The following TMTC2 variants were observed in gnomAD, a reference collection of about 807,000 sequenced individuals.
The protein encoded by TMTC2 is transmembrane O-mannosyltransferase targeting cadherins 2.
Under a neutral mutation model 82.4 loss-of-function variants are expected in TMTC2, and 43 were observed. That is an observed-to-expected ratio of 0.52 (90% CI 0.41 to 0.67). The LOEUF (loss-of-function observed/expected upper bound fraction) is 0.67. Among genes scored for constraint, TMTC2 ranks in the 30% least tolerant of loss-of-function variants. The pLI is 0.00. For missense variants in TMTC2, 919 were observed against 1,012.4 expected (o/e 0.91, Z 1.25); for synonymous variants, 408 against 381.9 (o/e 1.07, Z -0.80).
At chr12:83,130,987 G>A (rs1304555047) in intron 11 of TMTC2, among the ~76,000 whole-genome samples, 1 of 152,070 alleles carries the variant, frequency 6.6e-6, no homozygotes, top group Non-Finnish European at 1.5e-5. Flanking sequence ...CATTGCTTTT[G>A]GTTCAGAAAT....
At chr12:82,949,018 A>G (rs1877194003) in intron 4 of TMTC2, among the ~76,000 whole-genome samples, 2 of 152,032 alleles carry the variant, frequency 1.3e-5, no homozygotes, top group South Asian at 2.1e-4. Flanking sequence ...TAATCATTAA[A>G]CCTCCATAAT....
chr12:82,798,881 G>A (rs1372748639), intron 1 of TMTC2, among the ~76,000 whole-genome samples: 1 of 151,012 alleles, frequency 6.6e-6, no homozygotes, highest in East Asian at 1.9e-4. Flanking sequence ...AGAGGTAAAT[G>A]AAAATATACA....
intron 1 of TMTC2, among the ~76,000 whole-genome samples, chr12:82,784,211 G>A (rs1878054997): frequency 6.6e-6 from 1 of 152,092 alleles, no homozygotes; most frequent in African/African-American, 2.4e-5. Flanking sequence ...CCCGAATAAT[G>A]TGACAGAAAT....
chr12:82,999,131 A>G (rs1276768443), intron 8 of TMTC2, among the ~76,000 whole-genome samples: 1 of 152,112 alleles, frequency 6.6e-6, no homozygotes, highest in East Asian at 1.9e-4. Flanking sequence ...CATTTAGGAA[A>G]CCACGTTACA....
intron 7 of TMTC2, among the ~76,000 whole-genome samples, chr12:82,983,685 C>A (rs988377807): frequency 2.0e-4 from 31 of 151,904 alleles, no homozygotes; most frequent in African/African-American, 7.5e-4. Flanking sequence ...GGTTGTACAA[C>A]TTTTTTAAAC....
intron 1 of TMTC2, among the ~76,000 whole-genome samples, chr12:82,693,858 C>T (rs536338052): frequency 5.8e-4 from 88 of 150,716 alleles, no homozygotes; most frequent in African/African-American, 2.1e-3. Flanking sequence ...ACCCCCGCTA[C>T]TCAGGAGGCT....
rs1205717500 is a variant in TMTC2, at chr12:82,687,412, A to T, written c.-175A>T. The T allele has an allele frequency of 1.8e-6, 1 of 566,936 alleles. No individual in the cohort carries two copies. The highest frequency in any genetic ancestry group is 3.1e-6 in the Non-Finnish European group (1 of 327,532). 35.1% of individuals were successfully genotyped at this position (566,936 alleles called of 1,614,324 possible). ...CGCAGGAGCTGCGGAGACGGGCGCGAGGAGGAGGAGAGGAGTCGTGGATTG... is the reference window on the plus strand; with the variant it reads ...CGCAGGAGCTGCGGAGACGGGCGCGTGGAGGAGGAGAGGAGTCGTGGATTG... On this transcript the variant is annotated 5_prime_UTR_variant, in exon 1 of 12. Coordinates refer to ENST00000321196, the MANE Select transcript of TMTC2 (RefSeq NM_152588.3).
At chr12:82,722,318 G>T (rs1874242640) in intron 1 of TMTC2, among the ~76,000 whole-genome samples, 1 of 150,874 alleles carries the variant, frequency 6.6e-6, no homozygotes, top group South Asian at 2.1e-4. Context: ...ACTTTGGGAG[G>T]CCAAGGTGGG....
chr12:83,076,375 T>G (rs571634830), intron 11 of TMTC2, among the ~76,000 whole-genome samples: 1 of 152,360 alleles, frequency 6.6e-6, no homozygotes, highest in African/African-American at 2.4e-5. Flanking sequence ...TTATGTTCTC[T>G]GATTCCAACA....
At chr12:82,909,518 T>G (rs1027852078) in intron 3 of TMTC2, among the ~76,000 whole-genome samples, 2 of 151,910 alleles carry the variant, frequency 1.3e-5, no homozygotes, top group Admixed American at 6.6e-5. Context: ...TTTTTTGTAT[T>G]TTTAGTAGAG....
chr12:82,878,079 A>G (rs1464292244), intron 2 of TMTC2, among the ~76,000 whole-genome samples: 1 of 152,186 alleles, frequency 6.6e-6, no homozygotes, highest in African/African-American at 2.4e-5. Flanking sequence ...CTCTTGGTTC[A>G]TTGTTCTTTT....
intron 11 of TMTC2, among the ~76,000 whole-genome samples, chr12:83,070,572 T>C (rs117312661): frequency 0.072 from 10,995 of 152,194 alleles, 479 homozygotes; most frequent in Middle Eastern, 0.095. Context: ...ATTCTTTTAT[T>C]AGTTCTAGGA....
At chr12:82,711,658 A>G (rs1177172318) in intron 1 of TMTC2, among the ~76,000 whole-genome samples, 1 of 152,176 alleles carries the variant, frequency 6.6e-6, no homozygotes, top group East Asian at 1.9e-4. Flanking sequence ...AAAGAAAAGA[A>G]AAAAAATGAA....
chr12:82,712,886 G>C (rs1177562822), intron 1 of TMTC2, among the ~76,000 whole-genome samples: 1 of 152,142 alleles, frequency 6.6e-6, no homozygotes, highest in Non-Finnish European at 1.5e-5. Context: ...GGGGAGACCA[G>C]GTGGGAATCT....
intron 1 of TMTC2, among the ~76,000 whole-genome samples, chr12:82,732,404 G>A (rs891330225): frequency 1.3e-5 from 2 of 151,790 alleles, no homozygotes; most frequent in Non-Finnish European, 2.9e-5. Flanking sequence ...GTGCAGTGGC[G>A]CGATCTCGGC....
intron 9 of TMTC2, among the ~76,000 whole-genome samples, chr12:83,050,648 T>G (rs2137456413): frequency 6.6e-6 from 1 of 152,300 alleles, no homozygotes; most frequent in Non-Finnish European, 1.5e-5. Flanking sequence ...GCTTTAAATT[T>G]ATTCATCATA....
chr12:83,052,250 A>C (rs1004101184), intron 10 of TMTC2, among the ~76,000 whole-genome samples: 3 of 152,068 alleles, frequency 2.0e-5, no homozygotes, highest in African/African-American at 7.2e-5. Context: ...TTTAGCTTTT[A>C]AGATGATTGT....
chr12:82,865,895 C>G (rs1335398681), intron 2 of TMTC2, among the ~76,000 whole-genome samples: 1 of 152,140 alleles, frequency 6.6e-6, no homozygotes, highest in African/African-American at 2.4e-5. Flanking sequence ...ACAGAACAAC[C>G]TGCTCCTGAA....
intron 2 of TMTC2, among the ~76,000 whole-genome samples, chr12:82,878,246 T>C (rs1872676060): frequency 6.6e-6 from 1 of 152,220 alleles, no homozygotes; most frequent in Non-Finnish European, 1.5e-5. Context: ...GCTGGTATTC[T>C]TGTGGGAGCA....
Sources: gnomAD v4.1 joint callset for allele counts (sites outside exome capture counted in the v4.1 genomes callset) on GRCh38, gnomAD v4.1.1 for gene constraint, MANE v1.5 for transcripts, NCBI Gene and HGNC (gene_info 2026-07-23, HGNC 2026-07-21) for gene names.